CCDC125: variants seen among roughly 807,000 people sequenced by gnomAD.
CCDC125 encodes coiled-coil domain-containing protein 125.
Under a neutral mutation model 57.4 loss-of-function variants are expected in CCDC125, and 43 were observed. The ratio of observed to expected loss-of-function variants is 0.75; its 90% CI spans 0.59 to 0.97. CCDC125 has a LOEUF of 0.97. Ranked by LOEUF, CCDC125 falls within the 50% of genes least tolerant of loss-of-function variation. The probability of loss-of-function intolerance (pLI) is 0.00; values close to 1 mark genes in which losing one functional copy is unlikely to be tolerated. For synonymous variants in CCDC125, 187 were observed against 195.2 expected, an observed-to-expected ratio of 0.96 and a Z score of 0.35; for missense variants, 563 against 595.7, an observed-to-expected ratio of 0.95 and a Z score of 0.57.
chr5:69,283,990 C>T (rs763954127), intron 11 of CCDC125, among the ~76,000 whole-genome samples: 13 of 150,544 alleles, frequency 8.6e-5, no homozygotes, highest in Non-Finnish European at 1.3e-4. Flanking sequence ...ACAGTTTCAC[C>T]GTGTTAGTCA....
At chr5:69,275,912 G>A (rs1295846817), downstream of CCDC125, among the ~76,000 whole-genome samples, 2 of 152,186 alleles carry the variant, frequency 1.3e-5, no homozygotes, top group Non-Finnish European at 2.9e-5. Flanking sequence ...GGTACGTCAT[G>A]TATATGCAAA....
intron 1 of CCDC125, among the ~76,000 whole-genome samples, chr5:69,322,047 G>C (rs557604276): frequency 6.6e-6 from 1 of 152,098 alleles, no homozygotes; most frequent in East Asian, 1.9e-4. Context: ...CTCCATGTTG[G>C]TCAAGCTGGT....
At chr5:69,303,985 G>T in intron 6 of CCDC125, 56 bp from the exon 7 acceptor site, 2 of 979,132 alleles carry the variant, frequency 2.0e-6, no homozygotes, top group Non-Finnish European at 3.0e-6. Flanking sequence ...TGCTGAGCGA[G>T]AATATTTTTA....
chr5:69,296,515 C>G (rs1170509731), intron 8 of CCDC125, among the ~76,000 whole-genome samples: 3 of 150,900 alleles, frequency 2.0e-5, no homozygotes, highest in Non-Finnish European at 3.0e-5. Flanking sequence ...TCATGCCTTG[C>G]ACTCCAGCCT....
chr5:69,296,037 G>A (rs1018190882), intron 8 of CCDC125, among the ~76,000 whole-genome samples: 3 of 151,644 alleles, frequency 2.0e-5, no homozygotes, highest in African/African-American at 4.8e-5. Context: ...GCGCCACCAC[G>A]CCCGGCTAAT....
intron 1 of CCDC125, among the ~76,000 whole-genome samples, chr5:69,329,525 C>T (rs1169042807): frequency 1.1e-5 from 1 of 92,282 alleles, no homozygotes; most frequent in South Asian, 3.5e-4. Context: ...TTTTTTGAGA[C>T]GGAATTTTGC....
chr5:69,311,076 T>C (rs773840286), intron 4 of CCDC125, 42 bp downstream of exon 4: 2 of 1,297,264 alleles, frequency 1.5e-6, no homozygotes, highest in Admixed American at 1.8e-5. Context: ...AACATTATTA[T>C]TGGAATGTGT....
At chr5:69,326,731 T>C (rs763443723) in intron 1 of CCDC125, among the ~76,000 whole-genome samples, 1 of 152,148 alleles carries the variant, frequency 6.6e-6, no homozygotes, top group Non-Finnish European at 1.5e-5. Context: ...TTTTGTTTGT[T>C]TTTTATCCCT....
rs1426057559 is a variant in CCDC125 at position 69,280,541 on chromosome 5, C to G, written c.*2188G>C. On this transcript the variant is annotated 3_prime_UTR_variant, in exon 12 of 12. Coordinates refer to ENST00000396496, the MANE Select transcript of CCDC125 (RefSeq NM_176816.5). ...TGTCTCACCCTTACGAGCAGCCGGC[C>G]CTGAATTCTCTCTCTCAGGTGTACT... The G allele has an allele frequency of 1.3e-5, 2 of 152,164 alleles. No individual in the cohort carries two copies. The highest frequency in any genetic ancestry group is 2.4e-5 in the African/African-American group (1 of 41,434). 9.4% of individuals were successfully genotyped at this position (152,164 alleles called of 1,614,324 possible).
At chr5:69,322,805 C>T (rs1760238561) in intron 1 of CCDC125, among the ~76,000 whole-genome samples, 1 of 151,598 alleles carries the variant, frequency 6.6e-6, no homozygotes, top group Non-Finnish European at 1.5e-5. Flanking sequence ...TCATGATACA[C>T]CCGCCTTGGC....
At chr5:69,283,484 T>C (rs1038483660) in intron 11 of CCDC125, among the ~76,000 whole-genome samples, 40 of 152,046 alleles carry the variant, frequency 2.6e-4, no homozygotes, top group African/African-American at 8.9e-4. Flanking sequence ...CCTCCCAAAG[T>C]GCTGGGATTA....
In CCDC125 at chr5:69,307,960, G is replaced by A. The variant is rs1326484919; in HGVS notation, c.522C>T (p.Ser174=). The A allele has an allele frequency of 1.9e-6, 3 of 1,613,080 alleles. No individual in the cohort carries two copies. The highest frequency in any genetic ancestry group is 1.7e-5 in the Admixed American group (1 of 60,002). The change falls in exon 5 of 12, where the codon TCC becomes TCT. Residue 174 remains serine (S), a synonymous_variant. Transcript: ENST00000396496. ...TAAAAGCACCAAATACCTTCTCCAA[G>A]GATCTGTTTTGTTCCATAGTTTTTT... ...VLQKTMEQNR[S]LEKEINALQW...
intron 1 of CCDC125, among the ~76,000 whole-genome samples, chr5:69,327,561 T>G (rs1760898078): frequency 6.6e-6 from 1 of 152,226 alleles, no homozygotes. Context: ...AGCAGCAGGA[T>G]GTGTTAACGG....
chr5:69,318,451 A>G (rs1402492503), intron 2 of CCDC125, among the ~76,000 whole-genome samples: 1 of 151,540 alleles, frequency 6.6e-6, no homozygotes, highest in Non-Finnish European at 1.5e-5. Flanking sequence ...CTCTTTTTAA[A>G]AAAGAAAAAG....
At chr5:69,296,631 G>A (rs190171950) in intron 8 of CCDC125, among the ~76,000 whole-genome samples, 2 of 152,116 alleles carry the variant, frequency 1.3e-5, no homozygotes, top group East Asian at 3.9e-4. Context: ...AAGAAAAGTA[G>A]TATAATAATT....
At position 69,281,142 on chromosome 5, in the gene CCDC125, C is replaced by T. The variant is rs932468535; in HGVS notation, c.*1587G>A. ...TTTAAGATATCTGTGCGCCAGCCTA[C>T]AAGAAATACAAATGTACAGGGTAAA... On this transcript the variant is annotated 3_prime_UTR_variant, in exon 12 of 12. Transcript: ENST00000396496. The T allele has an allele frequency of 6.6e-6, 1 of 152,196 alleles. No homozygotes were observed. Among genetic ancestry groups the T allele is most frequent in the Admixed American group, 6.5e-5 (1 of 15,280 alleles). 9.4% of individuals were successfully genotyped at this position (152,196 alleles called of 1,614,324 possible). A position where few individuals can be genotyped will look rare whatever the true frequency, so the allele number is the denominator to read the frequency against.
At position 69,311,117 on chromosome 5, in the gene CCDC125, C is replaced by T; in HGVS notation, c.453+1G>A. ...GTGAAAGTTTAAAAACAACTTCTTA[C>T]CATGCTTTGAAGAATTTTCAATGCT... On this transcript the variant is annotated splice_donor_variant, in intron 4 of 11. Transcript: ENST00000396496. LOFTEE classifies it high-confidence loss of function. The T allele has an allele frequency of 6.3e-7, 1 of 1,590,520 alleles. No homozygotes were observed. The highest frequency in any genetic ancestry group is 1.7e-5 in the Admixed American group (1 of 58,970).
intron 6 of CCDC125, among the ~76,000 whole-genome samples, chr5:69,306,442 C>A (rs1179058526): frequency 6.6e-6 from 1 of 152,152 alleles, no homozygotes; most frequent in Non-Finnish European, 1.5e-5. Flanking sequence ...GATCTTCACA[C>A]CTCAGCTTCC....
chr5:69,326,943 G>A (rs954002976), intron 1 of CCDC125, among the ~76,000 whole-genome samples: 1 of 152,022 alleles, frequency 6.6e-6, no homozygotes, highest in African/African-American at 2.4e-5. Flanking sequence ...GTAGTCCCAA[G>A]CTACACGGGA....
Sources: gnomAD v4.1 joint callset for allele counts (sites outside exome capture counted in the v4.1 genomes callset) on GRCh38, gnomAD v4.1.1 for gene constraint, MANE v1.5 for transcripts, NCBI Gene and HGNC (gene_info 2026-07-23, HGNC 2026-07-21) for gene names.